ZEB2: variants seen among roughly 807,000 people sequenced by gnomAD.
ZEB2 encodes the protein zinc finger E-box binding homeobox 2.
In ZEB2, 6 loss-of-function variants were observed where a neutral mutation model predicts 99.9. The observed-to-expected ratio is 0.06, with a 90% CI of 0.03 to 0.12. The LOEUF is 0.12. Among genes scored for constraint, ZEB2 ranks in the 10% least tolerant of loss-of-function variants. ZEB2 has a pLI of 1.00. For missense variants in ZEB2, 969 were observed against 1,502.8 expected, an observed-to-expected ratio of 0.64 and a Z score of 5.87; for synonymous variants, 517 against 542.5, an observed-to-expected ratio of 0.95 and a Z score of 0.65.
chr2:144,404,818 A>G lies in ZEB2; in HGVS notation c.592+18T>C. On this transcript the variant is annotated intron_variant, in intron 5 of 9. Coordinates refer to ENST00000627532, the MANE Select transcript of ZEB2 (RefSeq NM_014795.4). Reference sequence around the variant, plus strand: ...TGCAGAGGTCAGTGCAGTGGCTAAAAATGATTTACAGCCTCACCATTTTCT... The same window carrying G: ...TGCAGAGGTCAGTGCAGTGGCTAAAGATGATTTACAGCCTCACCATTTTCT... 1 of 1,612,780 alleles carries G rather than the reference A, an allele frequency of 6.2e-7. No individual in the cohort carries two copies. Among genetic ancestry groups the G allele is most frequent in the Non-Finnish European group, 8.5e-7 (1 of 1,179,466 alleles).
intron 2 of ZEB2, among the ~76,000 whole-genome samples, chr2:144,483,891 T>C (rs945251697): frequency 6.6e-6 from 1 of 152,226 alleles, no homozygotes; most frequent in African/African-American, 2.4e-5. Flanking sequence ...CTGATGCTGA[T>C]TGTATAAACA....
At chr2:144,444,253 A>G (rs999369988) in intron 2 of ZEB2, among the ~76,000 whole-genome samples, 3 of 152,236 alleles carry the variant, frequency 2.0e-5, no homozygotes, top group African/African-American at 7.2e-5. Flanking sequence ...ACGTATGCAC[A>G]TAACTTTAAG....
In ZEB2 at chr2:144,429,936, G is replaced by A. The variant is rs1236446530; in HGVS notation, c.164C>T (p.Pro55Leu). 1 of 1,613,838 alleles carries A rather than the reference G, an allele frequency of 6.2e-7. No homozygotes were observed. Among genetic ancestry groups the A allele is most frequent in the South Asian group, 1.1e-5 (1 of 91,080 alleles). ...HIAEDDGIAN[P>L]LDQETSPASV... ...AGCTGGACTCGTCTCCTGGTCCAGA[G>A]GGTTGGCAATACCGTCATCCTCAGC... The change falls in exon 3 of 10, where the codon CCT becomes CTT. Residue 55 changes from proline to leucine, a missense_variant. By Grantham distance (98) the Pro-to-Leu change is moderately conservative. Around this residue, in one of 8 missense-constraint regions of ZEB2, gnomAD observed 173 missense variants for 217.7 expected, o/e 0.79. Transcript: ENST00000627532.
intron 2 of ZEB2, chr2:144,513,442 A>G: frequency 3.4e-6 from 5 of 1,452,028 alleles, no homozygotes; most frequent in Non-Finnish European, 4.6e-6. Flanking sequence ...AGAAAAATCA[A>G]ATTTAACTTT....
intron 2 of ZEB2, chr2:144,514,264 A>C (rs1168128659): frequency 1.1e-5 from 2 of 175,838 alleles, no homozygotes; most frequent in Non-Finnish European, 2.5e-5. Context: ...CAGCCTTTAA[A>C]ACACACACAC....
intron 2 of ZEB2, among the ~76,000 whole-genome samples, chr2:144,486,495 T>C (rs1704599696): frequency 6.6e-6 from 1 of 152,148 alleles, no homozygotes; most frequent in South Asian, 2.1e-4. Context: ...GTGTATTCTT[T>C]TTAAAACTAA....
chr2:144,509,677 G>A (rs1239327117), intron 2 of ZEB2, among the ~76,000 whole-genome samples: 3 of 152,010 alleles, frequency 2.0e-5, no homozygotes, highest in South Asian at 4.1e-4. Context: ...ATTGTTGGGA[G>A]AAAATTATTG....
chr2:144,500,760 G>A (rs1285648057), intron 2 of ZEB2, among the ~76,000 whole-genome samples: 1 of 152,114 alleles, frequency 6.6e-6, no homozygotes, highest in Non-Finnish European at 1.5e-5. Context: ...GGAGCTGGGG[G>A]CTGGCAAGTC....
At chr2:144,489,820 GA>G (rs756785644) in intron 2 of ZEB2, among the ~76,000 whole-genome samples, 4 of 151,798 alleles carry the variant, frequency 2.6e-5, no homozygotes, top group Non-Finnish European at 5.9e-5. Context: ...AACACAAAAG[GA>G]AAAAAAATAT....
intron 4 of ZEB2, chr2:144,424,280 G>A: frequency 2.2e-6 from 1 of 465,090 alleles, no homozygotes; most frequent in Non-Finnish European, 4.2e-6. Context: ...TATTTAAAAG[G>A]GCTCAAGGAT....
intron 2 of ZEB2, 138 bp from the exon 3 acceptor site, chr2:144,430,164 T>C (rs777286325): frequency 2.2e-5 from 28 of 1,281,620 alleles, no homozygotes; most frequent in Non-Finnish European, 3.1e-5. Flanking sequence ...ATATAATTAA[T>C]ATCCTTCAGG....
chr2:144,399,671 G>A lies in ZEB2; in HGVS notation c.1516C>T (p.Pro506Ser). 6.2e-7 allele frequency: 1 copy of A among 1,614,120 alleles called. No homozygotes were observed. The highest frequency in any genetic ancestry group is 8.5e-7 in the Non-Finnish European group (1 of 1,180,008). ...GGAAGACCGACAGGCGGAATATTAG[G>A]AGAAGTAACTCCTTGTTCCTCAGGT... is the stretch of plus-strand genomic sequence containing the variant. ...SQPEEQGVTS[P>S]NIPPVGLPVV... The change falls in exon 8 of 10, where the codon CCT (proline) becomes TCT (serine). Residue 506 changes from proline to serine, a missense_variant. Around this residue, in one of 8 missense-constraint regions of ZEB2, gnomAD observed 227 missense variants for 278.2 expected, o/e 0.82. Coordinates refer to ENST00000627532, the MANE Select transcript of ZEB2 (RefSeq NM_014795.4). This position sits in a 1 kb window ranked among gnomAD's most constrained non-coding sequence, Gnocchi z 5.6.
At position 144,500,834 on chromosome 2, in the gene ZEB2, A is replaced by G. The variant is rs539693558; in HGVS notation, c.73+16444T>C. Among the ~76,000 whole-genome samples the G allele has an allele frequency of 2.0e-5, 3 of 152,170 alleles. No homozygotes were observed. The South Asian group carries it at 6.2e-4, about 32-fold the overall frequency. ...AGCATACAAGTGAGGTAAAGAAACA[A>G]TGATGAAAAATAAAGAGTTGCTGCT... On this transcript the variant is annotated intron_variant, in intron 2 of 9. Coordinates refer to ENST00000627532, the MANE Select transcript of ZEB2 (RefSeq NM_014795.4).
chr2:144,482,708 G>A (rs1409394687), intron 2 of ZEB2, among the ~76,000 whole-genome samples: 4 of 151,448 alleles, frequency 2.6e-5, no homozygotes, highest in African/African-American at 9.7e-5. Context: ...AAATTACTAC[G>A]GAGTCTTCTT....
intron 2 of ZEB2, among the ~76,000 whole-genome samples, chr2:144,447,264 T>A (rs1052044035): frequency 2.0e-5 from 3 of 152,300 alleles, no homozygotes; most frequent in Non-Finnish European, 4.4e-5. Context: ...TCCTCTGCTT[T>A]ATGCAGTGGT....
intron 2 of ZEB2, among the ~76,000 whole-genome samples, chr2:144,450,989 T>C (rs890777709): frequency 3.3e-5 from 5 of 152,212 alleles, no homozygotes; most frequent in African/African-American, 4.8e-5. Context: ...GGTTTATTTT[T>C]TTTAAAGTTA....
intron 9 of ZEB2, 94 bp from the exon 10 acceptor site, chr2:144,390,122 C>G (rs1703137696): frequency 3.1e-6 from 4 of 1,283,264 alleles, no homozygotes; most frequent in East Asian, 4.8e-5. Context: ...CAGGCATAAG[C>G]GTGTGTACTT....
chr2:144,513,511 A>G (rs2149932132), intron 2 of ZEB2: 9 of 1,527,486 alleles, frequency 5.9e-6, no homozygotes, highest in Non-Finnish European at 7.9e-6. Flanking sequence ...TTTAAAAGAC[A>G]ACTTCATTTC....
chr2:144,472,246 A>G (rs534664818), intron 2 of ZEB2, among the ~76,000 whole-genome samples: 1 of 152,056 alleles, frequency 6.6e-6, no homozygotes, highest in East Asian at 1.9e-4. Flanking sequence ...TCTTATCATA[A>G]TGTTCTTTAT....
Sources: gnomAD v4.1 joint callset for allele counts (sites outside exome capture counted in the v4.1 genomes callset) on GRCh38, gnomAD v4.1.1 for gene constraint, gnomAD v4.1.1 regional missense constraint, Gnocchi (gnomAD v3.1) non-coding constraint, MANE v1.5 for transcripts, NCBI Gene and HGNC (gene_info 2026-07-23, HGNC 2026-07-21) for gene names.